TBC1D12: variants seen among roughly 807,000 people sequenced by gnomAD.
TBC1D12 encodes the protein TBC1 domain family member 12.
Under a neutral mutation model 86.7 loss-of-function variants are expected in TBC1D12, and 56 were observed. The ratio of observed to expected loss-of-function variants is 0.65; its 90% CI spans 0.52 to 0.81. The LOEUF is 0.81. Among genes scored for constraint, TBC1D12 ranks in the 30% least tolerant of loss-of-function variants. TBC1D12 has a pLI of 0.00. For missense variants in TBC1D12, 1,023 were observed against 1,038.8 expected (o/e 0.98, Z 0.21); for synonymous variants, 421 against 411.7 (o/e 1.02, Z -0.27).
At chr10:94,532,428 C>T (rs1189897787) in intron 12 of TBC1D12, among the ~76,000 whole-genome samples, 1 of 152,176 alleles carries the variant, frequency 6.6e-6, no homozygotes, top group Non-Finnish European at 1.5e-5. Context: ...CTGCCCGCCT[C>T]AGCCTCCCAA....
intron 3 of TBC1D12, among the ~76,000 whole-genome samples, chr10:94,475,371 C>T (rs1277180184): frequency 6.6e-6 from 1 of 152,104 alleles, no homozygotes; most frequent in East Asian, 1.9e-4. Context: ...TGGGAGCCTA[C>T]TATTATTATT....
chr10:94,403,727 C>T (rs1472593206), intron 1 of TBC1D12, 143 bp downstream of exon 1: 2 of 1,059,006 alleles, frequency 1.9e-6, no homozygotes, highest in Admixed American at 3.9e-5. Flanking sequence ...CGCGTCAGGA[C>T]TTAGCTTTGA....
intron 1 of TBC1D12, among the ~76,000 whole-genome samples, chr10:94,405,465 T>A (rs1413545437): frequency 6.6e-6 from 1 of 152,232 alleles, no homozygotes; most frequent in African/African-American, 2.4e-5. Context: ...ATGACATCTG[T>A]ATTTGTAATA....
intron 1 of TBC1D12, among the ~76,000 whole-genome samples, chr10:94,423,996 G>C (rs1334541337): frequency 1.3e-5 from 2 of 152,078 alleles, no homozygotes; most frequent in East Asian, 3.8e-4. Context: ...CTTTTTTCTT[G>C]TTATTCCCTA....
chr10:94,424,085 A>T (rs896363494), intron 1 of TBC1D12, among the ~76,000 whole-genome samples: 23 of 152,244 alleles, frequency 1.5e-4, no homozygotes, highest in African/African-American at 5.1e-4. Flanking sequence ...GTATACAAGA[A>T]GATGTGTATA....
intron 2 of TBC1D12, among the ~76,000 whole-genome samples, chr10:94,472,341 G>C (rs2055920171): frequency 6.6e-6 from 1 of 152,192 alleles, no homozygotes; most frequent in Admixed American, 6.5e-5. Context: ...CAAACTGCCT[G>C]CTGGTAATGA....
At chr10:94,526,127 C>G (rs1842282785) in intron 11 of TBC1D12, among the ~76,000 whole-genome samples, 1 of 152,094 alleles carries the variant, frequency 6.6e-6, no homozygotes, top group African/African-American at 2.4e-5. Context: ...CTCTGTTCTA[C>G]TTTTTACTTT....
chr10:94,511,243 G>A (rs566187797), intron 8 of TBC1D12, among the ~76,000 whole-genome samples: 1 of 151,748 alleles, frequency 6.6e-6, no homozygotes, highest in Admixed American at 6.6e-5. Flanking sequence ...AATTACAGGC[G>A]TATGACACCA....
chr10:94,487,147 A>T (rs1054267185), intron 3 of TBC1D12, among the ~76,000 whole-genome samples: 1 of 151,592 alleles, frequency 6.6e-6, no homozygotes, highest in Non-Finnish European at 1.5e-5. Context: ...TTTGGTGTCC[A>T]TTGGCATGGA....
rs1589592259 is a variant in TBC1D12, at chr10:94,402,969, G to A, written c.356G>A (p.Gly119Asp). ...CLLGSGSKHRGAEVADGRAPR... is the reference protein window; with the variant it reads ...CLLGSGSKHRDAEVADGRAPR... ...CTGGGCTCGGGCTCCAAACACCGCG[G>A]CGCGGAGGTGGCTGATGGCCGCGCG... is the stretch of plus-strand genomic sequence containing the variant. Residue 119 changes from glycine to aspartate, a missense_variant, in exon 1 of 13, where the codon GGC (glycine) becomes GAC (aspartate). Physicochemically the swap from Gly to Asp is moderately conservative, Grantham distance 94 (BLOSUM62 -1). Transcript: ENST00000225235. 12 of 1,575,172 alleles carry A rather than the reference G, an allele frequency of 7.6e-6. No homozygotes were observed. Among genetic ancestry groups the A allele is most frequent in the Non-Finnish European group, 9.4e-6 (11 of 1,165,418 alleles).
chr10:94,486,621 CTT>C (rs1319075586), intron 3 of TBC1D12, among the ~76,000 whole-genome samples: 5 of 152,044 alleles, frequency 3.3e-5, no homozygotes, highest in African/African-American at 7.2e-5. Context: ...CAAAATTCCT[CTT>C]GTTATTGATT....
At chr10:94,467,225 T>TTTTTTG (rs998126428) in intron 2 of TBC1D12, among the ~76,000 whole-genome samples, 2 of 151,890 alleles carry the variant, frequency 1.3e-5, no homozygotes, top group African/African-American at 4.8e-5. Flanking sequence ...AGTCGAGTTT[T>TTTTTTG]TTTTTGTTTT....
At chr10:94,414,179 TAAG>T (rs2134053439) in intron 1 of TBC1D12, among the ~76,000 whole-genome samples, 1 of 152,224 alleles carries the variant, frequency 6.6e-6, no homozygotes, top group Non-Finnish European at 1.5e-5. Context: ...GTTAAGGTGG[TAAG>T]AAGATGATAA....
At chr10:94,484,163 C>T (rs2056123733) in intron 3 of TBC1D12, among the ~76,000 whole-genome samples, 1 of 151,572 alleles carries the variant, frequency 6.6e-6, no homozygotes, top group African/African-American at 2.4e-5. Context: ...TATCCCAGTA[C>T]CATGCTGTTT....
chr10:94,418,627 A>C (rs1041392292), intron 1 of TBC1D12, among the ~76,000 whole-genome samples: 1 of 151,990 alleles, frequency 6.6e-6, no homozygotes. Flanking sequence ...ACTGGAATGC[A>C]CTGGTGCAGT....
At chr10:94,438,482 C>T (rs1038504580) in intron 1 of TBC1D12, among the ~76,000 whole-genome samples, 4 of 151,998 alleles carry the variant, frequency 2.6e-5, no homozygotes, top group African/African-American at 9.7e-5. Context: ...CATGTGCCTG[C>T]ATCACTCCCT....
chr10:94,402,948 G>T lies in TBC1D12; in HGVS notation c.335G>T (p.Gly112Val). ...AAPRSDACLLGSGSKHRGAEV... is the reference protein window; with the variant it reads ...AAPRSDACLLVSGSKHRGAEV... Reference sequence around the variant, plus strand: ...CCACGATCGGACGCCTGCCTGCTGGGCTCGGGCTCCAAACACCGCGGCGCG... The same window carrying T: ...CCACGATCGGACGCCTGCCTGCTGGTCTCGGGCTCCAAACACCGCGGCGCG... The change falls in exon 1 of 13, where the codon GGC becomes GTC. Residue 112 changes from glycine (G) to valine (V), a missense_variant. By Grantham distance (109) the Gly-to-Val change is moderately radical (BLOSUM62 -3). Around this residue, in one of 2 missense-constraint regions of TBC1D12, gnomAD observed 628 missense variants for 531.1 expected, o/e 1.18. Coordinates refer to ENST00000225235, the MANE Select transcript of TBC1D12 (RefSeq NM_015188.2). 6.4e-7 allele frequency: 1 copy of T among 1,565,184 alleles called. No homozygotes were observed. The highest frequency in any genetic ancestry group is 2.5e-5 in the East Asian group (1 of 40,128).
intron 2 of TBC1D12, among the ~76,000 whole-genome samples, chr10:94,460,049 T>G (rs2055701303): frequency 6.6e-6 from 1 of 151,794 alleles, no homozygotes; most frequent in Non-Finnish European, 1.5e-5. Context: ...CGTTGTCATC[T>G]CTCAAGTCCC....
intron 1 of TBC1D12, among the ~76,000 whole-genome samples, chr10:94,410,700 C>G (rs1025385105): frequency 6.6e-6 from 1 of 152,204 alleles, no homozygotes; most frequent in Non-Finnish European, 1.5e-5. Context: ...AGCTAATACA[C>G]TGATTTCTAT....
Sources: gnomAD v4.1 joint callset for allele counts (sites outside exome capture counted in the v4.1 genomes callset) on GRCh38, gnomAD v4.1.1 for gene constraint, gnomAD v4.1.1 regional missense constraint, MANE v1.5 for transcripts, NCBI Gene and HGNC (gene_info 2026-07-23, HGNC 2026-07-21) for gene names.